DOCK2: variants seen among roughly 807,000 people sequenced by gnomAD.
The protein encoded by DOCK2 is dedicator of cytokinesis protein 2.
Under a neutral mutation model 248.9 loss-of-function variants are expected in DOCK2, and 87 were observed. The observed-to-expected ratio is 0.35, with a 90% CI of 0.29 to 0.42. The LOEUF (loss-of-function observed/expected upper bound fraction) is 0.42. Ranked by LOEUF, DOCK2 falls within the 10% of genes least tolerant of loss-of-function variation. DOCK2 has a pLI of 1.00. For synonymous variants in DOCK2, 805 were observed against 821.6 expected, an observed-to-expected ratio of 0.98 and a Z score of 0.35; for missense variants, 1,747 against 2,300.2, an observed-to-expected ratio of 0.76 and a Z score of 4.92.
chr5:170,058,169 G>T (rs1170450008), intron 44 of DOCK2, among the ~76,000 whole-genome samples: 1 of 152,154 alleles, frequency 6.6e-6, no homozygotes, highest in East Asian at 1.9e-4. Flanking sequence ...ACAGCTTAGG[G>T]TCTCCACGTC....
chr5:169,966,585 C>A (rs1038436991), intron 27 of DOCK2, among the ~76,000 whole-genome samples: 7 of 152,114 alleles, frequency 4.6e-5, no homozygotes, highest in Admixed American at 3.9e-4. Context: ...TGGGTGAATT[C>A]AAATCACCAC....
intron 22 of DOCK2, among the ~76,000 whole-genome samples, chr5:169,730,298 C>A (rs262877): frequency 1.6e-4 from 25 of 152,008 alleles, no homozygotes; most frequent in African/African-American, 6.0e-4. Flanking sequence ...ATCAGCCATG[C>A]GATGGCTGGA....
chr5:169,730,250 C>T (rs998598784), intron 22 of DOCK2, among the ~76,000 whole-genome samples: 3 of 152,222 alleles, frequency 2.0e-5, no homozygotes, highest in African/African-American at 7.2e-5. Context: ...AGCCACTGCT[C>T]CTGGCCCTGT....
chr5:169,851,773 G>A (rs2113374179), intron 27 of DOCK2, among the ~76,000 whole-genome samples: 1 of 152,248 alleles, frequency 6.6e-6, no homozygotes, highest in Admixed American at 6.5e-5. Context: ...AGGAGAGAGG[G>A]AGAGAGAGAA....
chr5:169,717,553 A>AG, intron 21 of DOCK2, 69 bp downstream of exon 21: 1 of 1,381,808 alleles, frequency 7.2e-7, no homozygotes, highest in Admixed American at 1.7e-5. Context: ...CCTAGGGCAC[A>AG]GGAACTTGAG....
intron 6 of DOCK2, among the ~76,000 whole-genome samples, chr5:169,678,997 G>A (rs554896617): frequency 6.6e-6 from 1 of 152,244 alleles, no homozygotes; most frequent in East Asian, 1.9e-4. Flanking sequence ...GACATGGGTG[G>A]ACTGGGGCTG....
At chr5:169,783,336 C>T (rs1208498843) in intron 25 of DOCK2, among the ~76,000 whole-genome samples, 1 of 152,196 alleles carries the variant, frequency 6.6e-6, no homozygotes, top group East Asian at 1.9e-4. Context: ...GTCTAGAGTT[C>T]CAGAGAGCCA....
intron 7 of DOCK2, among the ~76,000 whole-genome samples, chr5:169,683,550 C>A (rs1561596742): frequency 1.3e-5 from 2 of 152,190 alleles, no homozygotes; most frequent in African/African-American, 4.8e-5. Flanking sequence ...TTTCTACCAG[C>A]AATATATGAG....
intron 25 of DOCK2, among the ~76,000 whole-genome samples, chr5:169,787,203 TACTG>T (rs1403526478): frequency 1.3e-5 from 2 of 152,230 alleles, no homozygotes; most frequent in Non-Finnish European, 2.9e-5. Flanking sequence ...TGTGGTCTAT[TACTG>T]ACTAAGTACA....
chr5:169,743,031 C>T (rs1362820532), intron 22 of DOCK2, among the ~76,000 whole-genome samples: 1 of 152,164 alleles, frequency 6.6e-6, no homozygotes, highest in Admixed American at 6.5e-5. Context: ...ATGTTTACAT[C>T]CTGAAGCTGT....
In DOCK2 at chr5:170,034,478, G is replaced by A. The variant is rs1581543832; in HGVS notation, c.3547G>A (p.Glu1183Lys). 1 of 1,614,164 alleles carries A rather than the reference G, an allele frequency of 6.2e-7. No homozygotes were observed. Among genetic ancestry groups the A allele is most frequent in the Non-Finnish European group, 8.5e-7 (1 of 1,180,016 alleles). ...CGTGAACCTGGTCAAAGGCCTCCTG[G>A]AGAAGCTGCTGGATTACCGGGGTGT... ...NFVNLVKGLL[E>K]KLLDYRGVMT... is the part of the protein sequence containing the mutation. Residue 1183 changes from glutamate (E) to lysine (K), a missense_variant, in exon 35 of 52, where the codon GAG becomes AAG. Glu to Lys is a moderately conservative substitution (Grantham distance 56). This residue lies in a region of DOCK2 where 858 missense variants were observed against 1,183.5 expected (regional missense o/e 0.72). Coordinates refer to ENST00000520908, the MANE Select transcript of DOCK2 (RefSeq NM_004946.3).
intron 24 of DOCK2, 133 bp downstream of exon 24, chr5:169,759,908 T>G (rs965645513): frequency 3.6e-5 from 34 of 937,302 alleles, no homozygotes; most frequent in Non-Finnish European, 5.2e-5. Flanking sequence ...AGGGGATGTT[T>G]TCAGGGTTTC....
chr5:170,023,702 T>A (rs575242004), intron 33 of DOCK2, among the ~76,000 whole-genome samples: 14 of 152,332 alleles, frequency 9.2e-5, no homozygotes, highest in African/African-American at 3.1e-4. Flanking sequence ...CTCCCAACTC[T>A]ACTTCTTTCC....
At chr5:170,075,320 C>T (rs1757800243) in intron 46 of DOCK2, 1 of 152,364 alleles carries the variant, frequency 6.6e-6, no homozygotes, top group East Asian at 1.9e-4. Flanking sequence ...AATAAGACTT[C>T]AACTCCCTCA....
chr5:170,017,448 A>T (rs745758023), intron 32 of DOCK2, among the ~76,000 whole-genome samples: 1 of 152,098 alleles, frequency 6.6e-6, no homozygotes, highest in Non-Finnish European at 1.5e-5. Context: ...GCTCCTCTTT[A>T]TTCCCTATCT....
chr5:169,914,018 T>C (rs770146850), intron 27 of DOCK2, among the ~76,000 whole-genome samples: 2 of 152,196 alleles, frequency 1.3e-5, no homozygotes, highest in Non-Finnish European at 2.9e-5. Context: ...TAATAGACTT[T>C]GATGGACACC....
At chr5:170,061,713 G>A (rs17072055) in intron 44 of DOCK2, among the ~76,000 whole-genome samples, 37,088 of 152,154 alleles carry the variant, frequency 0.24, 5,122 homozygotes, top group African/African-American at 0.37. Flanking sequence ...TCTAAAAATA[G>A]TTTCAAAAGC....
chr5:169,719,262 G>A (rs1376353449), intron 22 of DOCK2, among the ~76,000 whole-genome samples: 2 of 152,182 alleles, frequency 1.3e-5, no homozygotes, highest in African/African-American at 2.4e-5. Context: ...ATGTATTAGA[G>A]TACCTTAGAA....
Position 169,920,040 on chromosome 5 carries a change from C to G in DOCK2, c.2800-63028C>G, listed in dbSNP as rs371621147. On this transcript the variant is annotated intron_variant, in intron 27 of 51. Coordinates refer to ENST00000520908, the MANE Select transcript of DOCK2 (RefSeq NM_004946.3). ...ACCCAGCACTTTACGTGAATTATGT[C>G]ATTTAATCCACAACACAACTTTGTG... Among the ~76,000 whole-genome samples, 4 of 152,156 alleles carry G rather than the reference C, an allele frequency of 2.6e-5. No homozygotes were observed. In the East Asian group the frequency reaches 7.7e-4, roughly 29 times the overall value.
Sources: gnomAD v4.1 joint callset for allele counts (sites outside exome capture counted in the v4.1 genomes callset) on GRCh38, gnomAD v4.1.1 for gene constraint, gnomAD v4.1.1 regional missense constraint, MANE v1.5 for transcripts, NCBI Gene and HGNC (gene_info 2026-07-23, HGNC 2026-07-21) for gene names.